Variants in DUOX1 observed in about 807,000 individuals in gnomAD.
DUOX1 encodes dual oxidase 1, also known as NADPH thyroid oxidase 1.
A neutral mutation model predicts 181.8 loss-of-function variants in DUOX1; 134 were observed. That is an observed-to-expected ratio of 0.74 (90% confidence interval 0.64 to 0.85). DUOX1 has a LOEUF of 0.85. Ranked by LOEUF, DUOX1 falls within the 40% of genes least tolerant of loss-of-function variation. The pLI, the probability that DUOX1 is intolerant of heterozygous loss-of-function variation, is 0.00. For missense variants in DUOX1, 1,814 were observed against 2,064.4 expected (o/e 0.88, Z 2.35); for synonymous variants, 798 against 832.5 (o/e 0.96, Z 0.71).
rs764911806 is a variant in DUOX1 at position 45,135,207 on chromosome 15, C to T, written c.411C>T (p.Asp137=). The T allele has an allele frequency of 6.2e-7, 1 of 1,613,768 alleles. No individual in the cohort carries two copies. The highest frequency in any genetic ancestry group is 1.6e-4 in the Middle Eastern group (1 of 6,062). Residue 137 remains aspartate (D), a synonymous_variant, in exon 5 of 34, where the codon GAC becomes GAT. Coordinates refer to ENST00000389037, the MANE Select transcript of DUOX1 (RefSeq NM_175940.3). The stretch of plus-strand genomic sequence containing the variant: ...CCGGAGACCCCATGTTCGACCCCGA[C>T]CAGCGCGGGGACGTGGTGCTGCCCT... The part of the protein sequence containing the change: ...IPPGDPMFDP[D]QRGDVVLPFQ...
intron 1 of DUOX1, among the ~76,000 whole-genome samples, chr15:45,130,731 A>C (rs1305153510): frequency 1.3e-5 from 2 of 152,198 alleles, no homozygotes; most frequent in Admixed American, 6.5e-5. Flanking sequence ...GGTCATCCCC[A>C]CACAGCCTGG....
chr15:45,131,004 G>C (rs1896119203), intron 1 of DUOX1, among the ~76,000 whole-genome samples: 1 of 152,182 alleles, frequency 6.6e-6, no homozygotes, highest in Admixed American at 6.5e-5. Flanking sequence ...GCAGGGCCTA[G>C]GTTTTTTCAT....
Position 45,152,445 on chromosome 15 carries a change from A to G in DUOX1, c.3353A>G (p.Asn1118Ser). ...ACCTTCCTGCGAGAAACCTTCCTCAACCGCTACGTGCCCTTCGACGCCGCC... is the reference window on the plus strand; with the variant it reads ...ACCTTCCTGCGAGAAACCTTCCTCAGCCGCTACGTGCCCTTCGACGCCGCC... ...LITFLRETFL[N>S]RYVPFDAAVD... The change falls in exon 25 of 34, where the codon AAC (asparagine) becomes AGC (serine). Residue 1118 changes from asparagine (N) to serine (S), a missense_variant. Physicochemically the swap from Asn to Ser is conservative, Grantham distance 46. Coordinates refer to ENST00000389037, the MANE Select transcript of DUOX1 (RefSeq NM_175940.3). 6.2e-7 allele frequency: 1 copy of G among 1,613,780 alleles called. No homozygotes were observed. The highest frequency in any genetic ancestry group is 1.1e-5 in the South Asian group (1 of 91,060).
intron 1 of DUOX1, 194 bp from the exon 2 acceptor site, chr15:45,131,724 G>T (rs1896154409): frequency 3.6e-6 from 2 of 557,332 alleles, no homozygotes; most frequent in Admixed American, 3.2e-5. Context: ...CTATGTCAGT[G>T]GCTGGTATGT....
intron 3 of DUOX1, 36 bp from the exon 4 acceptor site, chr15:45,134,109 G>A: frequency 3.2e-6 from 5 of 1,541,204 alleles, no homozygotes; most frequent in Non-Finnish European, 4.4e-6. Context: ...AATGCCCCCT[G>A]AAGATTCATC....
intron 1 of DUOX1, among the ~76,000 whole-genome samples, chr15:45,130,584 C>CCG (rs1204120983): frequency 6.6e-6 from 1 of 152,172 alleles, no homozygotes; most frequent in Non-Finnish European, 1.5e-5. Context: ...GCTGGCTCTG[C>CCG]CTGGGGCTTC....
At chr15:45,154,944 G>A (rs1273173642) in intron 27 of DUOX1, among the ~76,000 whole-genome samples, 1 of 152,236 alleles carries the variant, frequency 6.6e-6, no homozygotes, top group Non-Finnish European at 1.5e-5. Flanking sequence ...CCCTAGTGAT[G>A]AGCAGGGACA....
intron 9 of DUOX1, among the ~76,000 whole-genome samples, chr15:45,137,075 C>G (rs1329775136): frequency 6.6e-6 from 1 of 151,338 alleles, no homozygotes; most frequent in Admixed American, 6.6e-5. Flanking sequence ...AGGCCGGGAG[C>G]AGTGGCTCAC....
chr15:45,151,747 A>G (rs1896808866), intron 23 of DUOX1, 127 bp from the exon 24 acceptor site: 1 of 961,182 alleles, frequency 1.0e-6, no homozygotes, highest in South Asian at 1.6e-5. Context: ...CCACAAGGGT[A>G]ACTAGGTTTC....
At chr15:45,155,053 G>A (rs574155496) in intron 27 of DUOX1, among the ~76,000 whole-genome samples, 2 of 152,370 alleles carry the variant, frequency 1.3e-5, no homozygotes, top group South Asian at 2.1e-4. Flanking sequence ...ACCTTGACTC[G>A]ATGAGAGTAC....
At chr15:45,141,117 C>CA (rs1396743747) in intron 13 of DUOX1, 47 bp downstream of exon 13, 1 of 1,610,226 alleles carries the variant, frequency 6.2e-7, no homozygotes, top group South Asian at 1.1e-5. Context: ...CGGCCTGGGC[C>CA]CCAGACCCTC....
intron 12 of DUOX1, chr15:45,140,055 C>A: frequency 7.3e-7 from 1 of 1,373,568 alleles, no homozygotes; most frequent in South Asian, 1.1e-5. Context: ...CTTACCCATT[C>A]CTGGTGTTCT....
At chr15:45,146,104 A>C (rs1707422750) in intron 18 of DUOX1, among the ~76,000 whole-genome samples, 1 of 152,176 alleles carries the variant, frequency 6.6e-6, no homozygotes, top group African/African-American at 2.4e-5. Context: ...CTGTGAGATC[A>C]TGATGGAGGT....
At chr15:45,151,311 T>C (rs1896796126) in intron 23 of DUOX1, 63 bp downstream of exon 23, 1 of 1,581,888 alleles carries the variant, frequency 6.3e-7, no homozygotes, top group Non-Finnish European at 8.6e-7. Flanking sequence ...ATAAACATCT[T>C]TTCCTTGGTG....
At position 45,133,375 on chromosome 15, in the gene DUOX1, C is replaced by A. The variant is rs546500607; in HGVS notation, c.59-489C>A. 1.9e-4 allele frequency among the ~76,000 whole-genome samples: 29 copies of A among 152,316 alleles called. 1 individual carries two copies. The highest frequency in any genetic ancestry group is 6.7e-4 in the African/African-American group (28 of 41,570). ...CTCTGCTCAGCCAGAGATGACTAGT[C>A]CCCTCACCACACCGACCCTGCCCAG... On this transcript the variant is annotated intron_variant, in intron 2 of 33. Transcript: ENST00000389037.
rs912239911 is a variant in DUOX1 at position 45,139,810 on chromosome 15, C to T, written c.1389+211C>T. On this transcript the variant is annotated intron_variant, in intron 12 of 33. Transcript: ENST00000389037. ...GGCTTTGCACTCGGATTGTTCAGATCCAGCAAGCGTGTATTAAGCATCTAT... is the reference window on the plus strand; with the variant it reads ...GGCTTTGCACTCGGATTGTTCAGATTCAGCAAGCGTGTATTAAGCATCTAT... The T allele has an allele frequency of 2.7e-5, 17 of 638,260 alleles. No individual in the cohort carries two copies. The African/African-American group carries it at 3.1e-4, about 12-fold the overall frequency. The allele number at this position is 638,260 out of a possible 1,614,324, so 39.5% of individuals were successfully genotyped here.
intron 17 of DUOX1, among the ~76,000 whole-genome samples, chr15:45,144,690 C>G (rs969415112): frequency 1.5e-4 from 23 of 152,256 alleles, no homozygotes; most frequent in African/African-American, 5.3e-4. Flanking sequence ...GGAAGAATGT[C>G]TTTGTACATG....
intron 28 of DUOX1, among the ~76,000 whole-genome samples, chr15:45,156,713 G>A (rs1056156027): frequency 5.3e-5 from 8 of 152,178 alleles, no homozygotes; most frequent in Admixed American, 4.6e-4. Context: ...TTACAGGCGT[G>A]AGCCACCGCG....
At chr15:45,149,019 G>A (rs533855444) in intron 21 of DUOX1, among the ~76,000 whole-genome samples, 2 of 152,182 alleles carry the variant, frequency 1.3e-5, no homozygotes, top group East Asian at 3.9e-4. Flanking sequence ...CCTACTTCCT[G>A]CCCCACCAGT....
Sources: allele counts gnomAD v4.1 joint callset (sites outside exome capture counted in the v4.1 genomes callset), GRCh38; gene constraint gnomAD v4.1.1; transcripts MANE v1.5; gene names NCBI Gene and HGNC (gene_info 2026-07-23, HGNC 2026-07-21).